Variants in WASHC2C observed in about 807,000 individuals in gnomAD.
WASHC2C encodes WASH complex subunit 2C, also known as Vaccinia Penetration Factor.
Under a neutral mutation model 142.2 loss-of-function variants are expected in WASHC2C, and 73 were observed. The ratio of observed to expected loss-of-function variants is 0.51; its 90% confidence interval spans 0.43 to 0.62. The LOEUF is 0.62. Among genes scored for constraint, WASHC2C ranks in the 20% least tolerant of loss-of-function variants. The probability of loss-of-function intolerance (pLI) is 0.00; values close to 1 mark genes in which losing one functional copy is unlikely to be tolerated. For missense variants in WASHC2C, 969 were observed against 1,531.7 expected (o/e 0.63, Z 6.13); for synonymous variants, 337 against 565.5 (o/e 0.60, Z 5.73).
chr10:45,787,974 A>G (rs573806199), intron 28 of WASHC2C, among the ~76,000 whole-genome samples: 221 of 152,354 alleles, frequency 1.5e-3, no homozygotes, highest in African/African-American at 4.9e-3. Flanking sequence ...TTCTCTAGAA[A>G]GCTTTAACTG....
At chr10:45,759,293 C>CACA in intron 16 of WASHC2C, 22 bp from the exon 17 acceptor site, 1 of 271,080 alleles carries the variant, frequency 3.7e-6, no homozygotes. Flanking sequence ...TCTTCCCCAC[C>CACA]CCCCCCCCAC....
chr10:45,770,515 A>T (rs1439911332), intron 20 of WASHC2C, among the ~76,000 whole-genome samples: 2 of 151,472 alleles, frequency 1.3e-5, no homozygotes, highest in Non-Finnish European at 2.9e-5. Flanking sequence ...AAAGCCTGAC[A>T]TGATTACTTT....
At chr10:45,773,788 G>T (rs1316441175) in intron 21 of WASHC2C, among the ~76,000 whole-genome samples, 1 of 148,644 alleles carries the variant, frequency 6.7e-6, no homozygotes, top group African/African-American at 2.5e-5. Context: ...CATCAGTGGA[G>T]AAATGGTCAC....
Position 45,784,250 on chromosome 10 carries a change from G to GTGTA in WASHC2C, c.2479-313_2479-310dup, listed in dbSNP as rs1298981266. 2.2e-4 allele frequency among the ~76,000 whole-genome samples: 5 copies of GTGTA among 22,556 alleles called. No homozygotes were observed. The Admixed American group carries it at 3.4e-3, about 15-fold the overall frequency. 14.8% of individuals were successfully genotyped at this position (22,556 alleles called of 152,430 possible). A position where few individuals can be genotyped will look rare whatever the true frequency, so the allele number is the denominator to read the frequency against. ...TGCATATATATATATATGTGTGTGT[G>GTGTA]TGTATATATATATATATATATATAT... is the stretch of plus-strand genomic sequence containing the variant. On this transcript the variant is annotated intron_variant, in intron 23 of 30. Transcript: ENST00000623400.
intron 3 of WASHC2C, among the ~76,000 whole-genome samples, chr10:45,734,823 C>T (rs1471794213): frequency 2.4e-4 from 37 of 152,104 alleles, no homozygotes; most frequent in African/African-American, 7.2e-4. Flanking sequence ...TGGGCTCAAG[C>T]CATCCTCCCA....
chr10:45,747,824 A>G (rs1290402425), intron 8 of WASHC2C, among the ~76,000 whole-genome samples: 16 of 151,120 alleles, frequency 1.1e-4, no homozygotes, highest in Non-Finnish European at 1.0e-4. Flanking sequence ...AGCTCAGGCA[A>G]ACCACCCACT....
At chr10:45,741,099 C>G (rs1249493154) in intron 5 of WASHC2C, among the ~76,000 whole-genome samples, 6 of 151,934 alleles carry the variant, frequency 3.9e-5, no homozygotes, top group African/African-American at 7.3e-5. Flanking sequence ...AGGCGCCCAC[C>G]ACCACACCCA....
At chr10:45,790,750 C>G (rs1269192978) in intron 30 of WASHC2C, among the ~76,000 whole-genome samples, 1 of 152,154 alleles carries the variant, frequency 6.6e-6, no homozygotes, top group East Asian at 1.9e-4. Flanking sequence ...TTTGAAGGCA[C>G]CCAGAGTTTG....
intron 17 of WASHC2C, among the ~76,000 whole-genome samples, chr10:45,759,842 T>A (rs556070861): frequency 6.6e-6 from 1 of 151,940 alleles, no homozygotes; most frequent in Non-Finnish European, 1.5e-5. Context: ...GAATAAAAAA[T>A]AATCTCTTGA....
At chr10:45,789,548 G>C in intron 29 of WASHC2C, 57 bp downstream of exon 29, 4 of 1,590,920 alleles carry the variant, frequency 2.5e-6, no homozygotes, top group Non-Finnish European at 3.4e-6. Flanking sequence ...GTATCTGATT[G>C]GCTTATTTGA....
intron 19 of WASHC2C, among the ~76,000 whole-genome samples, chr10:45,768,329 A>G (rs1422538492): frequency 2.0e-5 from 3 of 151,680 alleles, no homozygotes; most frequent in African/African-American, 7.3e-5. Context: ...GTTGGGGTAC[A>G]GCCTCGTCAT....
chr10:45,739,562 C>T (rs192227419), intron 4 of WASHC2C, among the ~76,000 whole-genome samples: 2,215 of 151,770 alleles, frequency 0.015, 46 homozygotes, highest in African/African-American at 0.049. Flanking sequence ...GAAAATGACC[C>T]CCTTTTGATG....
intron 28 of WASHC2C, among the ~76,000 whole-genome samples, chr10:45,787,763 C>G (rs1226047314): frequency 1.3e-5 from 2 of 152,198 alleles, no homozygotes; most frequent in Non-Finnish European, 2.9e-5. Context: ...GCCCAAGGCT[C>G]CTGCTGCCTC....
intron 21 of WASHC2C, among the ~76,000 whole-genome samples, chr10:45,773,802 G>A (rs1327915635): frequency 2.0e-5 from 3 of 150,294 alleles, no homozygotes; most frequent in African/African-American, 2.5e-5. Context: ...TGGTCACACA[G>A]GTCCTAGTAC....
Position 45,754,923 on chromosome 10 carries a change from C to T in WASHC2C, c.1241-13C>T. ...GGCTCACAGCTGTGGCTGTCTTGTC[C>T]CTTCACTCACAGGAGACACGGATGT... is the stretch of plus-strand genomic sequence containing the variant. On this transcript the variant is annotated splice_polypyrimidine_tract_variant and intron_variant, in intron 14 of 30. Coordinates refer to ENST00000623400, the MANE Select transcript of WASHC2C (RefSeq NM_001330074.2). 3.7e-6 allele frequency: 6 copies of T among 1,611,710 alleles called. No homozygotes were observed. Among genetic ancestry groups the T allele is most frequent in the Non-Finnish European group, 5.1e-6 (6 of 1,179,820 alleles).
At chr10:45,763,780 T>G (rs2055429084) in intron 18 of WASHC2C, among the ~76,000 whole-genome samples, 1 of 151,844 alleles carries the variant, frequency 6.6e-6, no homozygotes, top group Non-Finnish European at 1.5e-5. Context: ...GATGCGATCT[T>G]GGCTCACTGT....
chr10:45,729,148 C>G (rs2133996146), intron 3 of WASHC2C, 122 bp downstream of exon 3: 1 of 1,121,930 alleles, frequency 8.9e-7, no homozygotes, highest in East Asian at 2.7e-5. Context: ...GTAATTGTAG[C>G]TTTTTTCTCT....
At chr10:45,757,785 T>C (rs1329001667) in intron 16 of WASHC2C, among the ~76,000 whole-genome samples, 1 of 152,234 alleles carries the variant, frequency 6.6e-6, no homozygotes, top group Non-Finnish European at 1.5e-5. Context: ...ACAATAGCGT[T>C]TGCCTTCCTA....
At chr10:45,784,272 A>ATATATATATGTG (rs1450789633) in intron 23 of WASHC2C, among the ~76,000 whole-genome samples, 102 of 5,974 alleles carry the variant, frequency 0.017, no homozygotes, top group South Asian at 0.045. Context: ...ATATATATAT[A>ATATATATATGTG]TATATATATA....
Sources: allele counts gnomAD v4.1 joint callset (sites outside exome capture counted in the v4.1 genomes callset), GRCh38; gene constraint gnomAD v4.1.1; transcripts MANE v1.5; gene names NCBI Gene and HGNC (gene_info 2026-07-23, HGNC 2026-07-21).